RTKN2: variants seen among roughly 807,000 people sequenced by gnomAD.
The protein encoded by RTKN2 is rhotekin 2.
In RTKN2, 69 loss-of-function variants were observed where a neutral mutation model predicts 71.5. The ratio of observed to expected loss-of-function variants is 0.96; its 90% confidence interval spans 0.79 to 1.18. The LOEUF (loss-of-function observed/expected upper bound fraction) is 1.18, where lower values mean the gene tolerates loss of function less well. RTKN2 is among the 50% of genes most tolerant of loss of function. The probability of loss-of-function intolerance (pLI) is 0.00; values close to 1 mark genes in which losing one functional copy is unlikely to be tolerated. For missense variants in RTKN2, 724 were observed against 719.7 expected, an observed-to-expected ratio of 1.01 and a Z score of -0.07; for synonymous variants, 236 against 236.5, an observed-to-expected ratio of 1.00 and a Z score of 0.02.
chr10:62,198,124 T>A lies in RTKN2; in HGVS notation c.1614A>T (p.Thr538=), dbSNP rs1841367486. 1 of 1,614,100 alleles carries A rather than the reference T, an allele frequency of 6.2e-7. No homozygotes were observed. Among genetic ancestry groups the A allele is most frequent in the African/African-American group, 1.3e-5 (1 of 74,942 alleles). Residue 538 remains threonine, a synonymous_variant, in exon 12 of 12, where the codon ACA becomes ACT. Coordinates refer to ENST00000373789, the MANE Select transcript of RTKN2 (RefSeq NM_145307.4). ...DNWGKTSVSQ[T]SSLDTKLSTL... Reference sequence around the variant, plus strand: ...TTGATAGTTTGGTATCCAAAGACGATGTCTGAGATACACTTGTTTTTCCCC... The same window carrying A: ...TTGATAGTTTGGTATCCAAAGACGAAGTCTGAGATACACTTGTTTTTCCCC...
At chr10:62,201,912 T>C (rs1464034793) in intron 10 of RTKN2, among the ~76,000 whole-genome samples, 2 of 152,208 alleles carry the variant, frequency 1.3e-5, no homozygotes, top group Admixed American at 6.5e-5. Context: ...ATATGAAATA[T>C]TAAATGGGTA....
intron 2 of RTKN2, among the ~76,000 whole-genome samples, chr10:62,259,943 T>C (rs1010706468): frequency 4.6e-5 from 7 of 152,150 alleles, no homozygotes; most frequent in African/African-American, 1.7e-4. Flanking sequence ...CCAAACCCAA[T>C]TGTTCTATTA....
downstream of RTKN2, among the ~76,000 whole-genome samples, chr10:62,190,427 T>C (rs759352847): frequency 6.6e-6 from 1 of 152,166 alleles, no homozygotes; most frequent in Non-Finnish European, 1.5e-5. Flanking sequence ...GTTAAAATAC[T>C]ACCTCATGGG....
chr10:62,193,712 A>G lies in RTKN2; in HGVS notation c.*4196T>C, dbSNP rs1841268291. On this transcript the variant is annotated 3_prime_UTR_variant, in exon 12 of 12. Coordinates refer to ENST00000373789, the MANE Select transcript of RTKN2 (RefSeq NM_145307.4). ...GTGGCTAGTAGCGACTGAATATCCT[A>G]CGTACCTAATTTACTGCAGTGGCTT... is the stretch of plus-strand genomic sequence containing the variant. 2 of 985,222 alleles carry G rather than the reference A, an allele frequency of 2.0e-6. No individual in the cohort carries two copies. Among genetic ancestry groups the G allele is most frequent in the Non-Finnish European group, 2.4e-6 (2 of 829,738 alleles). The allele number at this position is 985,222 out of a possible 1,614,324, so 61.0% of individuals were successfully genotyped here.
intron 6 of RTKN2, among the ~76,000 whole-genome samples, chr10:62,230,969 A>G (rs1367244510): frequency 6.6e-6 from 1 of 152,222 alleles, no homozygotes; most frequent in Non-Finnish European, 1.5e-5. Flanking sequence ...TTAATTAATT[A>G]TATATAATAG....
At chr10:62,239,600 G>GC (rs374866290) in intron 5 of RTKN2, 48 bp downstream of exon 5, 10 of 864,806 alleles carry the variant, frequency 1.2e-5, no homozygotes, top group African/African-American at 1.0e-4. Context: ...TTTTAAAAAA[G>GC]AAGAATTTTA....
chr10:62,228,881 G>C (rs1374663678), intron 6 of RTKN2, among the ~76,000 whole-genome samples: 2 of 152,194 alleles, frequency 1.3e-5, no homozygotes, highest in Non-Finnish European at 2.9e-5. Flanking sequence ...ATGAAACAAA[G>C]TTATCAGCTA....
At chr10:62,243,734 TCA>T (rs1362597287) in intron 3 of RTKN2, among the ~76,000 whole-genome samples, 2 of 152,202 alleles carry the variant, frequency 1.3e-5, no homozygotes, top group Admixed American at 6.5e-5. Flanking sequence ...TGCAAATGGC[TCA>T]GTTTCAGTTT....
intron 3 of RTKN2, among the ~76,000 whole-genome samples, chr10:62,244,206 ATTT>A (rs1842434965): frequency 6.6e-6 from 1 of 152,154 alleles, no homozygotes. Context: ...AGGTGAATTC[ATTT>A]TTTATTTTGT....
At chr10:62,212,142 T>G (rs7920249) in intron 9 of RTKN2, among the ~76,000 whole-genome samples, 7,074 of 151,596 alleles carry the variant, frequency 0.047, 528 homozygotes, top group African/African-American at 0.16. Context: ...ATTAAAACTT[T>G]TAGGTAAATA....
intron 5 of RTKN2, among the ~76,000 whole-genome samples, chr10:62,236,651 C>T (rs936760607): frequency 6.6e-6 from 1 of 151,996 alleles, no homozygotes; most frequent in Non-Finnish European, 1.5e-5. Context: ...CAGCATTATT[C>T]ACAATAGCCA....
intron 8 of RTKN2, among the ~76,000 whole-genome samples, chr10:62,185,051 A>T (rs1203203588): frequency 1.3e-5 from 2 of 151,984 alleles, no homozygotes; most frequent in Non-Finnish European, 2.9e-5. Context: ...CTTGCAAAAA[A>T]TTTTCCCATT....
At chr10:62,207,431 C>A (rs1445882424) in intron 9 of RTKN2, among the ~76,000 whole-genome samples, 1 of 151,926 alleles carries the variant, frequency 6.6e-6, no homozygotes, top group East Asian at 1.9e-4. Context: ...AACTTTTAAT[C>A]AAAAAAATGC....
At chr10:62,188,307 C>T (rs985628896), downstream of RTKN2, among the ~76,000 whole-genome samples, 4 of 152,106 alleles carry the variant, frequency 2.6e-5, no homozygotes, top group East Asian at 1.9e-4. Flanking sequence ...GGATCTCTCC[C>T]GGGACTGTCT....
At chr10:62,214,611 G>A (rs1454724360) in intron 9 of RTKN2, among the ~76,000 whole-genome samples, 3 of 152,098 alleles carry the variant, frequency 2.0e-5, no homozygotes, top group Non-Finnish European at 4.4e-5. Context: ...TCATCAGACT[G>A]AAAATACAGA....
chr10:62,218,948 T>C (rs1308316345), intron 7 of RTKN2, among the ~76,000 whole-genome samples: 1 of 152,160 alleles, frequency 6.6e-6, no homozygotes, highest in Non-Finnish European at 1.5e-5. Flanking sequence ...ACTGCACCAC[T>C]GCACTTCAGC....
chr10:62,230,574 T>C (rs1486815162), intron 6 of RTKN2, among the ~76,000 whole-genome samples: 3 of 152,194 alleles, frequency 2.0e-5, no homozygotes, highest in Non-Finnish European at 4.4e-5. Flanking sequence ...TCATACTTCA[T>C]CTCTATGTGC....
At chr10:62,264,164 C>A (rs1345768139) in intron 1 of RTKN2, among the ~76,000 whole-genome samples, 7 of 152,024 alleles carry the variant, frequency 4.6e-5, no homozygotes, top group African/African-American at 1.4e-4. Flanking sequence ...TCTATACAAC[C>A]TTTTCAAAAA....
intron 10 of RTKN2, among the ~76,000 whole-genome samples, chr10:62,202,937 G>A (rs145445962): frequency 0.011 from 1,603 of 152,292 alleles, 11 homozygotes; most frequent in Middle Eastern, 0.017. Flanking sequence ...GAGGTGGGCG[G>A]ATCACCTGAG....
Sources: gnomAD v4.1 joint callset for allele counts (sites outside exome capture counted in the v4.1 genomes callset) on GRCh38, gnomAD v4.1.1 for gene constraint, MANE v1.5 for transcripts, NCBI Gene and HGNC (gene_info 2026-07-23, HGNC 2026-07-21) for gene names.